NALCN: variants seen among roughly 807,000 people sequenced by gnomAD.
The protein encoded by NALCN is sodium leak channel, non-selective.
Under a neutral mutation model 225.3 loss-of-function variants are expected in NALCN, and 111 were observed. The observed-to-expected ratio is 0.49, with a 90% CI of 0.42 to 0.58. NALCN has a LOEUF of 0.58. NALCN is among the 20% of genes least tolerant of loss of function. The pLI is 0.00. For synonymous variants in NALCN, 764 were observed against 769.0 expected, an observed-to-expected ratio of 0.99 and a Z score of 0.11; for missense variants, 1,378 against 2,202.4, an observed-to-expected ratio of 0.63 and a Z score of 7.49.
chr13:101,178,029 C>T (rs888872727), intron 14 of NALCN, among the ~76,000 whole-genome samples: 1 of 150,384 alleles, frequency 6.6e-6, no homozygotes, highest in African/African-American at 2.4e-5. Flanking sequence ...ATTAACATCA[C>T]CATGACTGGT....
At chr13:101,168,575 C>T (rs12877625) in intron 15 of NALCN, among the ~76,000 whole-genome samples, 36,651 of 152,066 alleles carry the variant, frequency 0.24, 5,216 homozygotes, top group Non-Finnish European at 0.32. Flanking sequence ...TGTACTCCAC[C>T]GCTTTCGATA....
At chr13:101,252,719 G>A (rs1350857901) in intron 11 of NALCN, among the ~76,000 whole-genome samples, 2 of 152,120 alleles carry the variant, frequency 1.3e-5, no homozygotes, top group Non-Finnish European at 2.9e-5. Flanking sequence ...AACACCAGGA[G>A]GTGGAAGAGG....
At position 101,111,955 on chromosome 13, in the gene NALCN, C is replaced by T. The variant is rs116466298; in HGVS notation, c.2193-729G>A. On this transcript the variant is annotated intron_variant, in intron 18 of 43. Transcript: ENST00000251127. ...TTTAAACAAGGTTTCTAATAAACCC[C>T]CTTTGGGAAGGATTTGTCCACTCAG... Among the ~76,000 whole-genome samples the T allele has an allele frequency of 5.7e-3, 868 of 152,134 alleles. 7 individuals are homozygous for T. The highest frequency in any genetic ancestry group is 0.019 in the African/African-American group (776 of 41,510).
At chr13:101,094,479 A>G (rs933480755) in intron 28 of NALCN, among the ~76,000 whole-genome samples, 2 of 152,068 alleles carry the variant, frequency 1.3e-5, no homozygotes, top group African/African-American at 4.8e-5. Context: ...AAATTATAAC[A>G]TAAATAACTT....
intron 34 of NALCN, among the ~76,000 whole-genome samples, chr13:101,079,192 C>T (rs190474250): frequency 2.6e-5 from 4 of 152,296 alleles, no homozygotes; most frequent in African/African-American, 7.2e-5. Context: ...GGGACTAATA[C>T]AAATTTTATC....
chr13:101,364,338 A>G (rs1235181970), intron 6 of NALCN, among the ~76,000 whole-genome samples: 1 of 152,172 alleles, frequency 6.6e-6, no homozygotes, highest in Non-Finnish European at 1.5e-5. Flanking sequence ...ACCAATGGAT[A>G]AATGGATAAA....
chr13:101,360,363 G>A (rs1024353555), intron 6 of NALCN, among the ~76,000 whole-genome samples: 1 of 151,870 alleles, frequency 6.6e-6, no homozygotes, highest in Non-Finnish European at 1.5e-5. Flanking sequence ...CTCCCAAGTA[G>A]CTGGGATCAC....
intron 7 of NALCN, among the ~76,000 whole-genome samples, chr13:101,332,034 A>G (rs531241718): frequency 1.4e-4 from 22 of 152,286 alleles, no homozygotes; most frequent in African/African-American, 3.9e-4. Flanking sequence ...CAAGCAACTG[A>G]ACCCGCCCAT....
intron 6 of NALCN, among the ~76,000 whole-genome samples, chr13:101,374,337 G>A (rs928763739): frequency 4.7e-5 from 7 of 147,936 alleles, no homozygotes; most frequent in South Asian, 2.1e-4. Context: ...GTGCAGTGGC[G>A]CGATCTCAGC....
intron 37 of NALCN, 44 bp from the exon 38 acceptor site, chr13:101,068,871 A>G: frequency 6.6e-7 from 1 of 1,524,084 alleles, no homozygotes; most frequent in Non-Finnish European, 8.8e-7. Context: ...AAGAGTAGAG[A>G]ATACAAATTT....
At chr13:101,310,044 A>G (rs2044284396) in intron 7 of NALCN, among the ~76,000 whole-genome samples, 2 of 152,158 alleles carry the variant, frequency 1.3e-5, no homozygotes, top group Admixed American at 6.5e-5. Flanking sequence ...TAAAGTAAAC[A>G]TGAACACTAT....
At chr13:101,088,911 T>C (rs574821072) in intron 30 of NALCN, among the ~76,000 whole-genome samples, 20 of 11,260 alleles carry the variant, frequency 1.8e-3, no homozygotes, top group African/African-American at 7.4e-3. Flanking sequence ...CTTTTTTTTC[T>C]TTTTTTTTTT....
chr13:101,360,604 T>G (rs2046224988), intron 6 of NALCN, among the ~76,000 whole-genome samples: 1 of 152,134 alleles, frequency 6.6e-6, no homozygotes, highest in African/African-American at 2.4e-5. Flanking sequence ...ACACGAAAAG[T>G]AAAGTCAGTG....
At chr13:101,224,234 G>C (rs887650581) in intron 13 of NALCN, among the ~76,000 whole-genome samples, 7 of 152,120 alleles carry the variant, frequency 4.6e-5, no homozygotes, top group African/African-American at 1.4e-4. Flanking sequence ...CACATAAGCT[G>C]CTTATGTCTC....
At chr13:101,068,107 T>C in intron 38 of NALCN, 74 bp from the exon 39 acceptor site, 6 of 873,134 alleles carry the variant, frequency 6.9e-6, no homozygotes, top group Non-Finnish European at 1.1e-5. Flanking sequence ...GTAAAACATC[T>C]ATTATTAATA....
chr13:101,210,512 T>C (rs1390044584), intron 13 of NALCN, among the ~76,000 whole-genome samples: 1 of 151,984 alleles, frequency 6.6e-6, no homozygotes, highest in Non-Finnish European at 1.5e-5. Context: ...CTTATTTTTC[T>C]GTAATATGAT....
chr13:101,192,995 A>G (rs530613719), intron 13 of NALCN, among the ~76,000 whole-genome samples: 9 of 152,270 alleles, frequency 5.9e-5, no homozygotes, highest in African/African-American at 1.9e-4. Context: ...CAATAAATAA[A>G]GTCCAGGATA....
chr13:101,197,307 C>T (rs12860797), intron 13 of NALCN, among the ~76,000 whole-genome samples: 41,273 of 151,974 alleles, frequency 0.27, 6,649 homozygotes, highest in Non-Finnish European at 0.37. Flanking sequence ...CTCCGCGACC[C>T]TTTCCTTTTC....
chr13:101,301,059 T>C (rs1464661017), intron 7 of NALCN, among the ~76,000 whole-genome samples: 1 of 152,240 alleles, frequency 6.6e-6, no homozygotes, highest in African/African-American at 2.4e-5. Flanking sequence ...TTGAAATATG[T>C]TTCCTTAAAT....
Sources: gnomAD v4.1 joint callset for allele counts (sites outside exome capture counted in the v4.1 genomes callset) on GRCh38, gnomAD v4.1.1 for gene constraint, MANE v1.5 for transcripts, NCBI Gene and HGNC (gene_info 2026-07-23, HGNC 2026-07-21) for gene names.